Variants in SEC24B observed in about 807,000 individuals in gnomAD.
SEC24B encodes the protein SEC24 homolog B, COPII component.
A neutral mutation model predicts 142.8 loss-of-function variants in SEC24B; 45 were observed. The observed-to-expected ratio is 0.32, with a 90% CI of 0.25 to 0.40. SEC24B has a LOEUF of 0.40. SEC24B is among the 10% of genes least tolerant of loss of function. The pLI, the probability that SEC24B is intolerant of heterozygous loss-of-function variation, is 1.00. For synonymous variants in SEC24B, 574 were observed against 568.2 expected (o/e 1.01, Z -0.15); for missense variants, 1,409 against 1,526.8 (o/e 0.92, Z 1.29).
At chr4:109,482,979 T>TACATACACACACACAC (rs1554001100) in intron 4 of SEC24B, among the ~76,000 whole-genome samples, 1 of 26,406 alleles carries the variant, frequency 3.8e-5, no homozygotes, top group Non-Finnish European at 7.5e-5. Flanking sequence ...TATATATATA[T>TACATACACACACACAC]ACACACACAC....
chr4:109,529,722 A>G lies in SEC24B; in HGVS notation c.3077-567A>G, dbSNP rs571076006. Among the ~76,000 whole-genome samples the G allele has an allele frequency of 1.2e-4, 19 of 152,298 alleles. No individual in the cohort carries two copies. The South Asian group carries it at 3.9e-3, about 32-fold the overall frequency. On this transcript the variant is annotated intron_variant, in intron 18 of 23. Coordinates refer to ENST00000265175, the MANE Select transcript of SEC24B (RefSeq NM_006323.5). ...AAATGGAAAAATATGCATTTCACTA[A>G]TATCAATAGGGGCTACATGTTTTGG...
At chr4:109,505,492 TA>T (rs1411755003) in intron 6 of SEC24B, among the ~76,000 whole-genome samples, 1 of 152,134 alleles carries the variant, frequency 6.6e-6, no homozygotes, top group Non-Finnish European at 1.5e-5. Context: ...AGAACTTAAG[TA>T]AAAACCCCGT....
Position 109,530,419 on chromosome 4 carries a change from C to G in SEC24B, c.3207C>G (p.Ser1069Arg), listed in dbSNP as rs751549405. 3 of 1,614,092 alleles carry G rather than the reference C, an allele frequency of 1.9e-6. No homozygotes were observed. Among genetic ancestry groups the G allele is most frequent in the Non-Finnish European group, 1.7e-6 (2 of 1,179,984 alleles). ...AGCACTCTGCATTGATGGCGCCCAG[C>G]TCCCTCAAGTTGTTTCCTCTCTATG... ...NLQHSALMAPSSLKLFPLYVL... is the reference protein window; with the variant it reads ...NLQHSALMAPRSLKLFPLYVL... Residue 1069 changes from serine to arginine, a missense_variant, in exon 19 of 24, where the codon AGC (serine) becomes AGG (arginine). Physicochemically the swap from Ser to Arg is moderately radical, Grantham distance 110. Transcript: ENST00000265175.
At position 109,491,360 on chromosome 4, in the gene SEC24B, C is replaced by A; in HGVS notation, c.1199C>A (p.Ser400Tyr). 1 of 1,613,736 alleles carries A rather than the reference C, an allele frequency of 6.2e-7. No homozygotes were observed. Among genetic ancestry groups the A allele is most frequent in the Non-Finnish European group, 8.5e-7 (1 of 1,179,704 alleles). ...AGCTCTTCTACCACAAGCAGTGCTT[C>A]TCCAATGCCCAACAGTTATGATGCC... ...VDSSSTTSSA[S>Y]PMPNSYDALE... Residue 400 changes from serine to tyrosine, a missense_variant, in exon 5 of 24, where the codon TCT becomes TAT. Ser to Tyr is a moderately radical substitution (Grantham distance 144). This residue lies in a region of SEC24B where 709 missense variants were observed against 673.5 expected (regional missense o/e 1.05). Transcript: ENST00000265175.
chr4:109,509,680 A>AAAC (rs1737109057), intron 7 of SEC24B, among the ~76,000 whole-genome samples: 1 of 109,232 alleles, frequency 9.2e-6, no homozygotes, highest in East Asian at 2.2e-4. Context: ...CCATCTCAGA[A>AAAC]AAAAAAAAAA....
chr4:109,520,605 C>A, intron 12 of SEC24B, 121 bp downstream of exon 12: 1 of 714,158 alleles, frequency 1.4e-6, no homozygotes, highest in African/African-American at 1.8e-5. Flanking sequence ...AGTATTTGTT[C>A]AAAATAATTG....
At chr4:109,459,338 G>T (rs957247163) in intron 1 of SEC24B, among the ~76,000 whole-genome samples, 1 of 152,158 alleles carries the variant, frequency 6.6e-6, no homozygotes, top group Non-Finnish European at 1.5e-5. Flanking sequence ...CATGGCTGTT[G>T]AGTACTTGAC....
At chr4:109,455,292 C>T (rs1578785713) in intron 1 of SEC24B, among the ~76,000 whole-genome samples, 1 of 151,970 alleles carries the variant, frequency 6.6e-6, no homozygotes, top group Non-Finnish European at 1.5e-5. Flanking sequence ...TTTTGTCGCC[C>T]AGGCTGGTGT....
Position 109,512,092 on chromosome 4 carries a change from T to C in SEC24B, c.1903+9T>C. ...CTATAGAGTAAACGATGGTGAGTTT[T>C]AGATTCTTAATTGTGTTTTAATCCT... On this transcript the variant is annotated intron_variant, in intron 9 of 23. Transcript: ENST00000265175. The C allele has an allele frequency of 5.6e-6, 9 of 1,595,716 alleles. No homozygotes were observed. The highest frequency in any genetic ancestry group is 7.7e-6 in the Non-Finnish European group (9 of 1,174,898).
At chr4:109,478,705 A>G (rs1356682661) in intron 3 of SEC24B, among the ~76,000 whole-genome samples, 1 of 152,208 alleles carries the variant, frequency 6.6e-6, no homozygotes. Flanking sequence ...CTGTATAATA[A>G]GAGACTGGCA....
At position 109,521,554 on chromosome 4, in the gene SEC24B, G is replaced by C; in HGVS notation, c.2436G>C (p.Gln812His). The C allele has an allele frequency of 6.2e-7, 1 of 1,614,122 alleles. No individual in the cohort carries two copies. The part of the protein sequence containing the change: ...SPTGGRVSVF[Q>H]TQLPSLGAGL... The stretch of plus-strand genomic sequence containing the variant: ...CAGGTGGCCGTGTGTCTGTATTTCA[G>C]ACACAGTTACCTTCCTTGGGTGCAG... The change falls in exon 14 of 24, where the codon CAG becomes CAC. Residue 812 changes from glutamine (Q) to histidine (H), a missense_variant. Gln to His is a conservative substitution (Grantham distance 24). This residue lies in a region of SEC24B where 700 missense variants were observed against 853.3 expected (regional missense o/e 0.82). Coordinates refer to ENST00000265175, the MANE Select transcript of SEC24B (RefSeq NM_006323.5).
At position 109,502,418 on chromosome 4, in the gene SEC24B, CAGAG is replaced by C. The variant is rs900491929; in HGVS notation, c.1489-3906_1489-3903del. Reference sequence around the variant, plus strand: ...AGTATTTGAAAAGACAAAATGGAAACAGAGAGACAAATTGAAGTTCTGCCCTAAT... The same window carrying C: ...AGTATTTGAAAAGACAAAATGGAAACAGACAAATTGAAGTTCTGCCCTAAT... On this transcript the variant is annotated intron_variant, in intron 6 of 23. Transcript: ENST00000265175. 1.1e-4 allele frequency among the ~76,000 whole-genome samples: 17 copies of C among 152,258 alleles called. No homozygotes were observed. In the South Asian group the frequency reaches 1.5e-3, roughly 13 times the overall value.
chr4:109,486,443 G>A (rs1734362387), intron 4 of SEC24B, among the ~76,000 whole-genome samples: 1 of 152,150 alleles, frequency 6.6e-6, no homozygotes, highest in Non-Finnish European at 1.5e-5. Context: ...ATTGCTTTCT[G>A]ATACTCTTCT....
At chr4:109,448,802 A>G (rs971811277) in intron 1 of SEC24B, among the ~76,000 whole-genome samples, 4 of 152,138 alleles carry the variant, frequency 2.6e-5, no homozygotes, top group Admixed American at 6.5e-5. Context: ...ATTAACTGCA[A>G]ATTTTACTGA....
At chr4:109,522,685 A>G (rs774732591) in intron 14 of SEC24B, among the ~76,000 whole-genome samples, 1 of 152,244 alleles carries the variant, frequency 6.6e-6, no homozygotes, top group Non-Finnish European at 1.5e-5. Context: ...TAAATCACCA[A>G]TAATCTAACG....
rs367995282 is a variant in SEC24B, at chr4:109,494,826, G to T, written c.1458G>T (p.Pro486=). 3.1e-6 allele frequency: 5 copies of T among 1,613,942 alleles called. No individual in the cohort carries two copies. Among genetic ancestry groups the T allele is most frequent in the Non-Finnish European group, 1.7e-6 (2 of 1,179,846 alleles). Residue 486 remains proline (P), a synonymous_variant, in exon 6 of 24, where the codon CCG becomes CCT. Coordinates refer to ENST00000265175, the MANE Select transcript of SEC24B (RefSeq NM_006323.5). ...TTTCTGGAGTACAGCCCAGTAACCC[G>T]GTATATTCTGGATTCCAGCAGTATC... ...PLISGVQPSN[P]VYSGFQQYPQ...
At chr4:109,480,424 G>A (rs1379527740) in intron 3 of SEC24B, among the ~76,000 whole-genome samples, 1 of 151,782 alleles carries the variant, frequency 6.6e-6, no homozygotes, top group African/African-American at 2.4e-5. Context: ...AGAGCCATGA[G>A]ATTTTCCATA....
At chr4:109,456,281 T>G (rs185593927) in intron 1 of SEC24B, among the ~76,000 whole-genome samples, 1 of 151,902 alleles carries the variant, frequency 6.6e-6, no homozygotes, top group East Asian at 1.9e-4. Context: ...GAAGATTTTT[T>G]TGGGATTTTC....
At chr4:109,467,325 CA>C (rs70949083) in intron 2 of SEC24B, among the ~76,000 whole-genome samples, 7,849 of 59,872 alleles carry the variant, frequency 0.13, 100 homozygotes, top group Middle Eastern at 0.21. Context: ...GACTCCGTCT[CA>C]AAAAAAAAAA....
Sources: allele counts gnomAD v4.1 joint callset (sites outside exome capture counted in the v4.1 genomes callset), GRCh38; gene constraint gnomAD v4.1.1; regional missense constraint gnomAD v4.1.1; transcripts MANE v1.5; gene names NCBI Gene and HGNC (gene_info 2026-07-23, HGNC 2026-07-21).